Variants in NIPAL3 observed in about 807,000 individuals in gnomAD.
NIPAL3 encodes NIPA-like protein 3.
In NIPAL3, 41 loss-of-function variants were observed where a neutral mutation model predicts 47.2. The ratio of observed to expected loss-of-function variants is 0.87; its 90% CI spans 0.68 to 1.13. The LOEUF (loss-of-function observed/expected upper bound fraction) is 1.13, where lower values mean the gene tolerates loss of function less well. Ranked by LOEUF, NIPAL3 falls within the 50% of genes most tolerant of loss-of-function variation. The probability of loss-of-function intolerance (pLI) is 0.00; values close to 1 mark genes in which losing one functional copy is unlikely to be tolerated. For missense variants in NIPAL3, 449 were observed against 530.1 expected, an observed-to-expected ratio of 0.85 and a Z score of 1.50; for synonymous variants, 194 against 209.6, an observed-to-expected ratio of 0.93 and a Z score of 0.64.
At chr1:24,461,175 A>G (rs1303525126) in intron 10 of NIPAL3, among the ~76,000 whole-genome samples, 1 of 152,222 alleles carries the variant, frequency 6.6e-6, no homozygotes, top group Non-Finnish European at 1.5e-5. Context: ...ATAGCATGCC[A>G]TGCTGCCATT....
chr1:24,428,112 C>T (rs1243923086), intron 2 of NIPAL3, among the ~76,000 whole-genome samples: 3 of 152,094 alleles, frequency 2.0e-5, no homozygotes, highest in South Asian at 2.1e-4. Context: ...CAATGGCATG[C>T]ACCTGTAGTC....
At chr1:24,455,675 T>TACA (rs541368920) in intron 7 of NIPAL3, among the ~76,000 whole-genome samples, 1 of 151,030 alleles carries the variant, frequency 6.6e-6, no homozygotes, top group Non-Finnish European at 1.5e-5. Flanking sequence ...AAAAAAAAAA[T>TACA]ACAACAACAA....
intron 2 of NIPAL3, among the ~76,000 whole-genome samples, chr1:24,426,747 G>A (rs1644607461): frequency 6.6e-6 from 1 of 152,138 alleles, no homozygotes; most frequent in Admixed American, 6.5e-5. Context: ...ATATTTGCCT[G>A]CCTTCTCCCC....
chr1:24,450,843 C>G (rs1042434373), intron 6 of NIPAL3, among the ~76,000 whole-genome samples: 1 of 152,222 alleles, frequency 6.6e-6, no homozygotes. Flanking sequence ...CTGGAACATC[C>G]TTTTTCCTCA....
chr1:24,470,614 C>T lies in NIPAL3; in HGVS notation c.*1429C>T, dbSNP rs1646872008. On this transcript the variant is annotated 3_prime_UTR_variant, in exon 12 of 12. Coordinates refer to ENST00000374399, the MANE Select transcript of NIPAL3 (RefSeq NM_020448.5). ...TCCCCATAGGATCTGTGGCATTTCT[C>T]CATCCAATGAATACTACTTAGAGCT... The T allele has an allele frequency of 6.6e-6, 1 of 152,220 alleles. No homozygotes were observed. Among genetic ancestry groups the T allele is most frequent in the Admixed American group, 6.5e-5 (1 of 15,288 alleles). The allele number at this position is 152,220 out of a possible 1,614,324, so 9.4% of individuals were successfully genotyped here. A position where few individuals can be genotyped will look rare whatever the true frequency, so the allele number is the denominator to read the frequency against.
At position 24,469,180 on chromosome 1, in the gene NIPAL3, G is replaced by T. The variant is rs1416710219; in HGVS notation, c.1216G>T (p.Glu406Ter). The T allele has an allele frequency of 3.7e-6, 6 of 1,613,118 alleles. No individual in the cohort carries two copies. The highest frequency in any genetic ancestry group is 5.1e-6 in the Non-Finnish European group (6 of 1,179,806). ...PYRVLEHTKK[E>*] is the part of the protein sequence containing the mutation. ...CCGAGTCCTAGAGCACACCAAGAAG[G>T]AATGAGACTCGCCTCCCTCTATTTA... Residue 406 changes from glutamate (E) to a stop codon, truncating the protein, a stop_gained, in exon 12 of 12, where the codon GAA (glutamate) becomes TAA (stop). Coordinates refer to ENST00000374399, the MANE Select transcript of NIPAL3 (RefSeq NM_020448.5). LOFTEE classifies it high-confidence loss of function.
In NIPAL3 at chr1:24,449,708, A is replaced by G; in HGVS notation, c.540+82A>G. On this transcript the variant is annotated intron_variant, in intron 6 of 11. Transcript: ENST00000374399. The surrounding 1 kb of genome is among the most constrained non-coding windows in gnomAD (Gnocchi z 4.5). ...GAAACCAGAAACGTGAATACCCAGC[A>G]ATAGGGGATTCCGTGAGTTGCGGCA... 7.0e-7 allele frequency: 1 copy of G among 1,433,342 alleles called. No individual in the cohort carries two copies. 88.8% of individuals were successfully genotyped at this position (1,433,342 alleles called of 1,614,324 possible).
rs1644234775 is a variant in NIPAL3 at position 24,419,737 on chromosome 1, G to T, written c.93+97G>T. 8 of 1,039,036 alleles carry T rather than the reference G, an allele frequency of 7.7e-6. No homozygotes were observed. The South Asian group carries it at 1.0e-4, about 13-fold the overall frequency. 64.4% of individuals were successfully genotyped at this position (1,039,036 alleles called of 1,614,324 possible). Reference sequence around the variant, plus strand: ...TAACAGATATGTATGGGGTCTGCATGCCTGTCACTGGTAGAAACAGGCAGG... The same window carrying T: ...TAACAGATATGTATGGGGTCTGCATTCCTGTCACTGGTAGAAACAGGCAGG... On this transcript the variant is annotated intron_variant, in intron 2 of 11. Coordinates refer to ENST00000374399, the MANE Select transcript of NIPAL3 (RefSeq NM_020448.5).
intron 8 of NIPAL3, among the ~76,000 whole-genome samples, chr1:24,457,180 G>A (rs971245499): frequency 5.9e-5 from 9 of 152,172 alleles, no homozygotes; most frequent in African/African-American, 1.7e-4. Context: ...TTGTCTGCTG[G>A]GTTGGAAAGA....
intron 2 of NIPAL3, chr1:24,419,956 C>A (rs1165724779): frequency 4.1e-6 from 1 of 241,956 alleles, no homozygotes; most frequent in Non-Finnish European, 8.2e-6. Context: ...GTGGTGCCCA[C>A]CTGTAGTCCC....
intron 2 of NIPAL3, among the ~76,000 whole-genome samples, chr1:24,423,695 G>T (rs943587798): frequency 3.9e-5 from 6 of 152,180 alleles, no homozygotes; most frequent in African/African-American, 1.4e-4. Context: ...AAGGTCAGTT[G>T]GTTAGAAGCA....
intron 11 of NIPAL3, among the ~76,000 whole-genome samples, chr1:24,466,596 C>G (rs1407179464): frequency 1.3e-5 from 2 of 152,212 alleles, no homozygotes; most frequent in Non-Finnish European, 2.9e-5. Flanking sequence ...ATCACCTAGT[C>G]CAAGCCAACC....
intron 2 of NIPAL3, among the ~76,000 whole-genome samples, chr1:24,427,376 G>T (rs1234422812): frequency 6.6e-6 from 1 of 152,202 alleles, no homozygotes; most frequent in Non-Finnish European, 1.5e-5. Flanking sequence ...CTTCACAAGG[G>T]TTTGGGGGCA....
rs1646099805 is a variant in NIPAL3 at position 24,454,422 on chromosome 1, A to C, written c.637+918A>C. The C allele has an allele frequency of 9.7e-7, 1 of 1,031,256 alleles. No homozygotes were observed. The highest frequency in any genetic ancestry group is 3.4e-5 in the South Asian group (1 of 29,134). The allele number at this position is 1,031,256 out of a possible 1,614,324, so 63.9% of individuals were successfully genotyped here. On this transcript the variant is annotated intron_variant, in intron 7 of 11. Coordinates refer to ENST00000374399, the MANE Select transcript of NIPAL3 (RefSeq NM_020448.5). This position sits in a 1 kb window ranked among gnomAD's most constrained non-coding sequence, Gnocchi z 4.1. ...AAGTCACGGAAGGGAGTGGGGGTTA[A>C]ATGAGATGTGCACAGGTGGCTAATA...
intron 5 of NIPAL3, among the ~76,000 whole-genome samples, chr1:24,446,195 C>T (rs778961309): frequency 1.5e-4 from 23 of 151,872 alleles, no homozygotes; most frequent in Non-Finnish European, 2.6e-4. Context: ...TGAATGCTTT[C>T]GGGGACTGGG....
chr1:24,421,935 C>T (rs754707373), intron 2 of NIPAL3: 16 of 152,224 alleles, frequency 1.1e-4, no homozygotes, highest in African/African-American at 3.1e-4. Context: ...CTAACTGCGG[C>T]GCTGCTCTGA....
chr1:24,457,261 C>G (rs1646256447), intron 8 of NIPAL3, among the ~76,000 whole-genome samples: 1 of 152,212 alleles, frequency 6.6e-6, no homozygotes, highest in Admixed American at 6.5e-5. Context: ...GTGCCCCCTC[C>G]TCTTTCTAAG....
At chr1:24,458,203 C>G (rs1326030920) in intron 8 of NIPAL3, among the ~76,000 whole-genome samples, 2 of 152,176 alleles carry the variant, frequency 1.3e-5, no homozygotes, top group Non-Finnish European at 2.9e-5. Context: ...GAGGCAGGAG[C>G]ATTTGAGCCC....
At chr1:24,459,511 CTGTT>C (rs1221132456) in intron 9 of NIPAL3, among the ~76,000 whole-genome samples, 4 of 152,234 alleles carry the variant, frequency 2.6e-5, no homozygotes, top group East Asian at 1.9e-4. Context: ...TCATATAAAG[CTGTT>C]TGTTAATTTG....
Sources: gnomAD v4.1 joint callset for allele counts (sites outside exome capture counted in the v4.1 genomes callset) on GRCh38, gnomAD v4.1.1 for gene constraint, Gnocchi (gnomAD v3.1) non-coding constraint, MANE v1.5 for transcripts, NCBI Gene and HGNC (gene_info 2026-07-23, HGNC 2026-07-21) for gene names.